The following SGCZ variants were observed in gnomAD, a reference collection of about 807,000 sequenced individuals.
SGCZ encodes the protein zeta-sarcoglycan.
In SGCZ, 40 loss-of-function variants were observed where a neutral mutation model predicts 41.3. The ratio of observed to expected loss-of-function variants is 0.97; its 90% confidence interval spans 0.75 to 1.26. SGCZ has a LOEUF of 1.26. SGCZ is among the 50% of genes most tolerant of loss of function. The pLI is 0.00. For synonymous variants in SGCZ, 206 were observed against 137.5 expected, an observed-to-expected ratio of 1.50 and a Z score of -3.49; for missense variants, 552 against 369.8, an observed-to-expected ratio of 1.49 and a Z score of -4.04.
intron 2 of SGCZ, among the ~76,000 whole-genome samples, chr8:14,500,895 T>C (rs1305478665): frequency 1.3e-5 from 2 of 152,008 alleles, no homozygotes; most frequent in Non-Finnish European, 2.9e-5. Context: ...AAAAAACACA[T>C]ATTTAACCAA....
In SGCZ at chr8:14,925,313, T is replaced by A. The variant is rs1024958636; in HGVS notation, c.39+312272A>T. 3.3e-5 allele frequency among the ~76,000 whole-genome samples: 5 copies of A among 152,366 alleles called. No homozygotes were observed. The East Asian group carries it at 9.6e-4, about 29-fold the overall frequency. On this transcript the variant is annotated intron_variant, in intron 1 of 7. Transcript: ENST00000382080. Reference sequence around the variant, plus strand: ...TTATTCTAATTCACATAGCATTTCTTATGGCTTAGTTTATTAATATGTTAA... The same window carrying A: ...TTATTCTAATTCACATAGCATTTCTAATGGCTTAGTTTATTAATATGTTAA...
rs184920494 is a variant in SGCZ at position 14,400,372 on chromosome 8, A to G, written c.235-76168T>C. ...ATGTTTGCATTTCTCTTTGGTAGAT[A>G]GAACATTTACCACTTTGTAGCTATT... On this transcript the variant is annotated intron_variant, in intron 2 of 7. Transcript: ENST00000382080. 6.6e-5 allele frequency among the ~76,000 whole-genome samples: 10 copies of G among 152,272 alleles called. No individual in the cohort carries two copies. The South Asian group carries it at 1.4e-3, about 22-fold the overall frequency.
rs558273420 is a variant in SGCZ, at chr8:14,993,719, G to C, written c.39+243866C>G. On this transcript the variant is annotated intron_variant, in intron 1 of 7. Transcript: ENST00000382080. ...ATTGTGGATGGCAAGTTTGAGAAGGGTCAACCAGACCAGTGTACCTGGCGC... is the reference window on the plus strand; with the variant it reads ...ATTGTGGATGGCAAGTTTGAGAAGGCTCAACCAGACCAGTGTACCTGGCGC... 3.9e-5 allele frequency among the ~76,000 whole-genome samples: 6 copies of C among 152,278 alleles called. No individual in the cohort carries two copies. The South Asian group carries it at 1.2e-3, about 32-fold the overall frequency.
intron 1 of SGCZ, among the ~76,000 whole-genome samples, chr8:15,066,315 CAA>C (rs34127345): frequency 0.083 from 8,826 of 106,906 alleles, 377 homozygotes; most frequent in African/African-American, 0.15. Context: ...ACTCCGTCTC[CAA>C]AAAAAAAAAA....
chr8:14,148,992 A>C (rs76438853), intron 5 of SGCZ, among the ~76,000 whole-genome samples: 4,941 of 152,204 alleles, frequency 0.032, 251 homozygotes, highest in African/African-American at 0.11. Context: ...ACATCTCTTC[A>C]TGATAAAAAC....
chr8:15,153,742 C>A (rs547729066), intron 1 of SGCZ, among the ~76,000 whole-genome samples: 46 of 152,252 alleles, frequency 3.0e-4, no homozygotes, highest in African/African-American at 1.1e-3. Context: ...AAAAGTTTCT[C>A]CAAGCCTCCT....
intron 2 of SGCZ, among the ~76,000 whole-genome samples, chr8:14,509,161 T>C (rs1473262166): frequency 1.3e-5 from 2 of 152,078 alleles, no homozygotes; most frequent in African/African-American, 4.8e-5. Context: ...TTAGACTAGA[T>C]TTTTTGCTGT....
intron 1 of SGCZ, among the ~76,000 whole-genome samples, chr8:15,173,903 T>C (rs1174285426): frequency 6.6e-6 from 1 of 152,108 alleles, no homozygotes; most frequent in Non-Finnish European, 1.5e-5. Context: ...AATTTTTTTA[T>C]TTTTAATAGA....
intron 1 of SGCZ, among the ~76,000 whole-genome samples, chr8:15,016,405 G>C (rs1013888345): frequency 4.6e-5 from 7 of 152,190 alleles, no homozygotes; most frequent in African/African-American, 1.7e-4. Context: ...AGGTGGATGG[G>C]TGGGGAGGGC....
chr8:14,983,940 G>A (rs1210680776), intron 1 of SGCZ, among the ~76,000 whole-genome samples: 1 of 151,986 alleles, frequency 6.6e-6, no homozygotes, highest in African/African-American at 2.4e-5. Context: ...ATTATCTCAG[G>A]TTGTTTCAAC....
chr8:14,440,780 CATACGTATACACGT>C (rs1800235305), intron 2 of SGCZ, among the ~76,000 whole-genome samples: 1 of 146,280 alleles, frequency 6.8e-6, no homozygotes. Flanking sequence ...TATGTATATA[CATACGTATACACGT>C]ATATGTATAT....
intron 1 of SGCZ, among the ~76,000 whole-genome samples, chr8:15,080,252 G>A (rs1805690846): frequency 6.6e-6 from 1 of 151,936 alleles, no homozygotes; most frequent in South Asian, 2.1e-4. Flanking sequence ...TCCCTAGCCA[G>A]CTCCTTAGAA....
chr8:14,925,453 C>G (rs1012619470), intron 1 of SGCZ, among the ~76,000 whole-genome samples: 8 of 152,118 alleles, frequency 5.3e-5, no homozygotes, highest in African/African-American at 1.7e-4. Context: ...ATGAAAATGT[C>G]CAGGACTTGA....
At chr8:14,909,329 T>A (rs73517342) in intron 1 of SGCZ, among the ~76,000 whole-genome samples, 7,095 of 152,262 alleles carry the variant, frequency 0.047, 227 homozygotes, top group African/African-American at 0.086. Flanking sequence ...TTTAAATAAT[T>A]CCTTTTTTGA....
intron 1 of SGCZ, among the ~76,000 whole-genome samples, chr8:14,880,273 G>A (rs188673584): frequency 6.6e-6 from 1 of 152,182 alleles, no homozygotes; most frequent in Non-Finnish European, 1.5e-5. Flanking sequence ...ACACCAGTTA[G>A]AATGGTGATC....
chr8:14,476,714 A>G (rs1401722556), intron 2 of SGCZ, among the ~76,000 whole-genome samples: 1 of 152,138 alleles, frequency 6.6e-6, no homozygotes, highest in African/African-American at 2.4e-5. Flanking sequence ...ACTTGGTGAG[A>G]TAGCTATTAA....
At chr8:14,551,534 A>ATATATAATT (rs1803842078) in intron 2 of SGCZ, among the ~76,000 whole-genome samples, 4 of 7,834 alleles carry the variant, frequency 5.1e-4, no homozygotes, top group African/African-American at 2.0e-3. Context: ...AATATATATA[A>ATATATAATT]TATATATAAT....
chr8:14,612,936 T>C (rs1275053788), intron 1 of SGCZ, among the ~76,000 whole-genome samples: 1 of 152,196 alleles, frequency 6.6e-6, no homozygotes. Flanking sequence ...TCCACTTGCC[T>C]CGGCCTCCCA....
At chr8:15,090,032 C>T (rs1806097633) in intron 1 of SGCZ, among the ~76,000 whole-genome samples, 1 of 152,170 alleles carries the variant, frequency 6.6e-6, no homozygotes, top group African/African-American at 2.4e-5. Flanking sequence ...CTGTTTGAAA[C>T]TTTTGATATT....
Sources: allele counts gnomAD v4.1 joint callset (sites outside exome capture counted in the v4.1 genomes callset), GRCh38; gene constraint gnomAD v4.1.1; transcripts MANE v1.5; gene names NCBI Gene and HGNC (gene_info 2026-07-23, HGNC 2026-07-21).